The following DOCK3 variants were observed in gnomAD, a reference collection of about 807,000 sequenced individuals.
The protein encoded by DOCK3 is dedicator of cytokinesis protein 3.
DOCK3 carries 60 observed loss-of-function variants against 265.6 expected under a neutral mutation model. The observed-to-expected ratio is 0.23, with a 90% CI of 0.18 to 0.28. DOCK3 has a LOEUF of 0.28. Ranked by LOEUF, DOCK3 falls within the 10% of genes least tolerant of loss-of-function variation. The probability of loss-of-function intolerance (pLI) is 1.00; values close to 1 mark genes in which losing one functional copy is unlikely to be tolerated. For synonymous variants in DOCK3, 881 were observed against 938.0 expected, an observed-to-expected ratio of 0.94 and a Z score of 1.11; for missense variants, 1,981 against 2,594.3, an observed-to-expected ratio of 0.76 and a Z score of 5.14.
intron 1 of DOCK3, among the ~76,000 whole-genome samples, chr3:50,722,150 T>C (rs982730857): frequency 6.6e-6 from 1 of 152,142 alleles, no homozygotes; most frequent in African/African-American, 2.4e-5. Context: ...TCCTGAGGCA[T>C]GTGAGGACAT....
chr3:51,265,299 TG>T (rs2080103412), intron 23 of DOCK3, among the ~76,000 whole-genome samples: 1 of 152,214 alleles, frequency 6.6e-6, no homozygotes, highest in African/African-American at 2.4e-5. Flanking sequence ...CCATTCCTTC[TG>T]AAACTATTCC....
intron 5 of DOCK3, among the ~76,000 whole-genome samples, chr3:51,032,596 C>A (rs1254997076): frequency 6.6e-6 from 1 of 151,898 alleles, no homozygotes; most frequent in Admixed American, 6.6e-5. Flanking sequence ...TAAATTTTTT[C>A]TTTTACTAGA....
At chr3:50,891,859 T>C (rs1438926036) in intron 4 of DOCK3, among the ~76,000 whole-genome samples, 1 of 152,088 alleles carries the variant, frequency 6.6e-6, no homozygotes, top group African/African-American at 2.4e-5. Flanking sequence ...ATGTCCCATT[T>C]ATAATAGTTA....
chr3:50,821,093 G>A (rs1042490066), intron 2 of DOCK3, among the ~76,000 whole-genome samples: 6 of 140,064 alleles, frequency 4.3e-5, no homozygotes, highest in African/African-American at 1.6e-4. Context: ...CATTCTGTAT[G>A]TTGTCTGTTT....
At chr3:50,708,451 G>A (rs528196165) in intron 1 of DOCK3, among the ~76,000 whole-genome samples, 1 of 152,196 alleles carries the variant, frequency 6.6e-6, no homozygotes, top group Non-Finnish European at 1.5e-5. Flanking sequence ...TGCTTCAGGT[G>A]GACATGGGAA....
chr3:50,699,646 A>G (rs768140802), intron 1 of DOCK3, among the ~76,000 whole-genome samples: 1 of 151,878 alleles, frequency 6.6e-6, no homozygotes, highest in Admixed American at 6.6e-5. Flanking sequence ...GCTTAAGTGT[A>G]TGCACCATAT....
At chr3:50,721,757 G>A (rs1009581969) in intron 1 of DOCK3, among the ~76,000 whole-genome samples, 6 of 152,148 alleles carry the variant, frequency 3.9e-5, no homozygotes, top group African/African-American at 9.7e-5. Flanking sequence ...GATAGGACTA[G>A]CATTGAATCT....
intron 2 of DOCK3, among the ~76,000 whole-genome samples, chr3:50,811,505 A>G (rs2043753975): frequency 6.6e-6 from 1 of 152,226 alleles, no homozygotes; most frequent in Non-Finnish European, 1.5e-5. Context: ...TCAGAATGAT[A>G]AATGATTTTA....
intron 3 of DOCK3, among the ~76,000 whole-genome samples, chr3:50,881,860 A>G (rs531322999): frequency 1.3e-5 from 2 of 152,226 alleles, no homozygotes; most frequent in Non-Finnish European, 2.9e-5. Context: ...ACCTTATTTC[A>G]GACTATACTA....
chr3:51,325,112 A>G (rs1274933447), intron 32 of DOCK3, among the ~76,000 whole-genome samples: 14 of 152,200 alleles, frequency 9.2e-5, no homozygotes, highest in African/African-American at 3.4e-4. Context: ...AAAAGAAACT[A>G]TCATCAGAGT....
intron 1 of DOCK3, among the ~76,000 whole-genome samples, chr3:50,739,606 T>G (rs1576295996): frequency 1.3e-5 from 2 of 152,196 alleles, no homozygotes; most frequent in Non-Finnish European, 2.9e-5. Flanking sequence ...TCCCTGGTTC[T>G]TAGAAGAGTG....
chr3:51,011,059 C>A (rs1426256108), intron 5 of DOCK3, among the ~76,000 whole-genome samples: 7 of 152,092 alleles, frequency 4.6e-5, no homozygotes, highest in Admixed American at 3.3e-4. Context: ...AACATGTTTT[C>A]CTTCATTTCA....
At chr3:51,329,297 T>C (rs2084361608) in intron 32 of DOCK3, among the ~76,000 whole-genome samples, 1 of 151,418 alleles carries the variant, frequency 6.6e-6, no homozygotes, top group African/African-American at 2.5e-5. Flanking sequence ...TGAGGCCTAA[T>C]ACCTAGGTGA....
chr3:50,752,679 G>A (rs1008085837), intron 1 of DOCK3, among the ~76,000 whole-genome samples: 4 of 152,082 alleles, frequency 2.6e-5, no homozygotes, highest in Non-Finnish European at 5.9e-5. Context: ...TCAGGAGGCT[G>A]AAGCAGGAGA....
chr3:50,681,776 C>T (rs1420308579), intron 1 of DOCK3, among the ~76,000 whole-genome samples: 1 of 152,188 alleles, frequency 6.6e-6, no homozygotes. Context: ...ATATGATTCT[C>T]CCTCTCCCTT....
intron 27 of DOCK3, among the ~76,000 whole-genome samples, chr3:51,305,865 G>A (rs1475879952): frequency 1.7e-5 from 2 of 118,024 alleles, no homozygotes; most frequent in East Asian, 2.4e-4. Flanking sequence ...TTGAGACAGG[G>A]TCTTGCCCCG....
At chr3:50,690,243 C>T (rs1219691623) in intron 1 of DOCK3, among the ~76,000 whole-genome samples, 1 of 151,358 alleles carries the variant, frequency 6.6e-6, no homozygotes, top group Admixed American at 6.6e-5. Flanking sequence ...AAGTGATCCT[C>T]TGCCTCAGCC....
intron 3 of DOCK3, chr3:50,863,453 A>G (rs2107523192): frequency 1.9e-6 from 1 of 519,992 alleles, no homozygotes; most frequent in East Asian, 5.4e-5. Flanking sequence ...GGTGATTCAT[A>G]GAATGTTACA....
chr3:51,013,051 A>G (rs756196668), intron 5 of DOCK3, among the ~76,000 whole-genome samples: 13 of 152,128 alleles, frequency 8.5e-5, no homozygotes, highest in Non-Finnish European at 1.0e-4. Flanking sequence ...CATTCATCTA[A>G]TCTTTTTTCC....
Sources: gnomAD v4.1 joint callset for allele counts (sites outside exome capture counted in the v4.1 genomes callset) on GRCh38, gnomAD v4.1.1 for gene constraint, MANE v1.5 for transcripts, NCBI Gene and HGNC (gene_info 2026-07-23, HGNC 2026-07-21) for gene names.